ROBO2: variants seen among roughly 807,000 people sequenced by gnomAD.
ROBO2 encodes roundabout homolog 2.
In ROBO2, 53 loss-of-function variants were observed where a neutral mutation model predicts 160.8. That is an observed-to-expected ratio of 0.33 (90% CI 0.26 to 0.41). The LOEUF (loss-of-function observed/expected upper bound fraction) is 0.41, where lower values mean the gene tolerates loss of function less well. Ranked by LOEUF, ROBO2 falls within the 10% of genes least tolerant of loss-of-function variation. The probability of loss-of-function intolerance (pLI) is 1.00; values close to 1 mark genes in which losing one functional copy is unlikely to be tolerated. For synonymous variants in ROBO2, 664 were observed against 611.7 expected, an observed-to-expected ratio of 1.09 and a Z score of -1.26; for missense variants, 1,577 against 1,722.4, an observed-to-expected ratio of 0.92 and a Z score of 1.49.
rs374770003 is a variant in ROBO2, at chr3:76,848,246, A to G, written c.110-249768A>G. Among the ~76,000 whole-genome samples, 28 of 152,310 alleles carry G rather than the reference A, an allele frequency of 1.8e-4. No homozygotes were observed. The East Asian group carries it at 5.2e-3, about 28-fold the overall frequency. ...AATCTTATATTGAATTAAATTACTTATGAGTTCTGGGATGTCTCATAGCCT... is the reference window on the plus strand; with the variant it reads ...AATCTTATATTGAATTAAATTACTTGTGAGTTCTGGGATGTCTCATAGCCT... On this transcript the variant is annotated intron_variant, in intron 2 of 26. Coordinates refer to the ROBO2 transcript ENST00000487694.
At chr3:76,657,806 GT>G (rs2091634589) in intron 2 of ROBO2, among the ~76,000 whole-genome samples, 2 of 147,102 alleles carry the variant, frequency 1.4e-5, no homozygotes, top group South Asian at 4.2e-4. Context: ...ATATATGTGT[GT>G]ATATATATAG....
chr3:76,053,031 G>A (rs2067705898), intron 2 of ROBO2, among the ~76,000 whole-genome samples: 1 of 151,866 alleles, frequency 6.6e-6, no homozygotes, highest in South Asian at 2.1e-4. Context: ...TATATTCATA[G>A]GCAGTTATAA....
intron 2 of ROBO2, among the ~76,000 whole-genome samples, chr3:76,933,746 T>C (rs1455892859): frequency 2.6e-5 from 4 of 152,164 alleles, no homozygotes; most frequent in Non-Finnish European, 5.9e-5. Flanking sequence ...TATATTCACA[T>C]GTAGAACAAA....
chr3:76,332,843 TAATAG>T (rs1157026032), intron 2 of ROBO2, among the ~76,000 whole-genome samples: 1 of 152,238 alleles, frequency 6.6e-6, no homozygotes, highest in Admixed American at 6.5e-5. Context: ...GTAAGTTATG[TAATAG>T]AATAAAGTTA....
At chr3:77,082,488 A>G (rs948277605) in intron 1 of ROBO2, among the ~76,000 whole-genome samples, 11 of 152,138 alleles carry the variant, frequency 7.2e-5, no homozygotes, top group African/African-American at 2.4e-4. Flanking sequence ...GGATAACTAA[A>G]GAAATTAGTT....
intron 2 of ROBO2, among the ~76,000 whole-genome samples, chr3:76,396,632 A>T (rs1034503201): frequency 1.3e-5 from 2 of 152,206 alleles, no homozygotes; most frequent in African/African-American, 2.4e-5. Context: ...AAGTCTCAGG[A>T]TAAAAAATCA....
intron 2 of ROBO2, among the ~76,000 whole-genome samples, chr3:77,323,789 CAT>C (rs1181346562): frequency 6.6e-6 from 1 of 152,096 alleles, no homozygotes; most frequent in African/African-American, 2.4e-5. Flanking sequence ...TTGAAAGGCT[CAT>C]GTGTAAGACA....
chr3:76,581,133 A>C (rs965887219), intron 2 of ROBO2, among the ~76,000 whole-genome samples: 3 of 152,232 alleles, frequency 2.0e-5, no homozygotes, highest in African/African-American at 7.2e-5. Context: ...TCAGAAATTT[A>C]CAATATAATA....
At chr3:77,187,429 A>G (rs903790989) in intron 2 of ROBO2, among the ~76,000 whole-genome samples, 16 of 151,978 alleles carry the variant, frequency 1.1e-4, no homozygotes, top group African/African-American at 3.6e-4. Flanking sequence ...AGTACACTTA[A>G]AATTAGCAAA....
chr3:76,413,249 T>G lies in ROBO2; in HGVS notation c.109+475647T>G, dbSNP rs139918390. Among the ~76,000 whole-genome samples the G allele has an allele frequency of 3.6e-3, 554 of 152,304 alleles. 7 individuals carry two copies. Among genetic ancestry groups the G allele is most frequent in the East Asian group, 0.025 (129 of 5,152 alleles). On this transcript the variant is annotated intron_variant, in intron 2 of 26. Transcript: ENST00000487694. Reference sequence around the variant, plus strand: ...GGGCCTGTGATGTGAGGGTCTTCTGTGAAGGTCTCTGACATGGCTTGGAGA... The same window carrying G: ...GGGCCTGTGATGTGAGGGTCTTCTGGGAAGGTCTCTGACATGGCTTGGAGA...
chr3:77,268,527 A>T (rs2059281420), intron 2 of ROBO2, among the ~76,000 whole-genome samples: 1 of 152,204 alleles, frequency 6.6e-6, no homozygotes, highest in African/African-American at 2.4e-5. Context: ...ACTAGAAAAA[A>T]GTCATTGCTG....
intron 2 of ROBO2, among the ~76,000 whole-genome samples, chr3:76,792,535 C>A (rs947166075): frequency 4.0e-4 from 60 of 151,654 alleles, no homozygotes; most frequent in African/African-American, 1.4e-3. Flanking sequence ...CTGGGGGTTC[C>A]TTTTAATTAT....
chr3:77,528,939 A>T (rs910929037), intron 6 of ROBO2, among the ~76,000 whole-genome samples: 1 of 151,692 alleles, frequency 6.6e-6, no homozygotes, highest in East Asian at 2.0e-4. Flanking sequence ...AATTTTATGT[A>T]TCTTTTGAAT....
rs190678856 is a variant in ROBO2, at chr3:77,504,386, A to T, written c.806+11004A>T. On this transcript the variant is annotated intron_variant, in intron 5 of 25. Coordinates refer to ENST00000461745, the Ensembl canonical transcript of ROBO2. The stretch of plus-strand genomic sequence containing the variant: ...GTCCTATTTCTGACACATGGTACTC[A>T]CCAGTTAAGACATTCAGTGCAGTGC... 9.9e-5 allele frequency among the ~76,000 whole-genome samples: 15 copies of T among 151,252 alleles called. No individual in the cohort carries two copies. In the East Asian group the frequency reaches 2.9e-3, roughly 29 times the overall value.
chr3:76,295,104 T>C lies in ROBO2; in HGVS notation c.109+357502T>C, dbSNP rs189795709. Among the ~76,000 whole-genome samples, 16 of 152,316 alleles carry C rather than the reference T, an allele frequency of 1.1e-4. No homozygotes were observed. In the East Asian group the frequency reaches 2.9e-3, roughly 28 times the overall value. ...CAGGTAAAGAGGCTTTTAGGAAGGA[T>C]ACTTGGGCAGCCCATTGAATCAAAA... On this transcript the variant is annotated intron_variant, in intron 2 of 26. Coordinates refer to the ROBO2 transcript ENST00000487694.
intron 1 of ROBO2, among the ~76,000 whole-genome samples, chr3:75,909,077 C>A (rs559235246): frequency 6.6e-6 from 1 of 152,098 alleles, no homozygotes; most frequent in Non-Finnish European, 1.5e-5. Context: ...GAGGTAGAAA[C>A]GGAATGCTCT....
At chr3:76,420,679 GC>G (rs1436938706) in intron 2 of ROBO2, among the ~76,000 whole-genome samples, 1 of 151,996 alleles carries the variant, frequency 6.6e-6, no homozygotes, top group Non-Finnish European at 1.5e-5. Context: ...ATAGTAATAA[GC>G]CATAAACACT....
rs754112722 is a variant in ROBO2, at chr3:76,109,322, A to C, written c.109+171720A>C. ...GGTAGGAACAAAATTAGAGGCCATA[A>C]TACCTTTTAAAAAAACTAAAGAATT... On this transcript the variant is annotated intron_variant, in intron 2 of 26. Transcript: ENST00000487694. Among the ~76,000 whole-genome samples, 9 of 152,102 alleles carry C rather than the reference A, an allele frequency of 5.9e-5. No individual in the cohort carries two copies. The East Asian group carries it at 1.5e-3, about 26-fold the overall frequency.
At chr3:75,986,475 T>A (rs867468754) in intron 2 of ROBO2, among the ~76,000 whole-genome samples, 1 of 151,558 alleles carries the variant, frequency 6.6e-6, no homozygotes, top group Non-Finnish European at 1.5e-5. Context: ...ATTTGCAAAT[T>A]TTTTTTTCAT....
Sources: gnomAD v4.1 joint callset for allele counts (sites outside exome capture counted in the v4.1 genomes callset) on GRCh38, gnomAD v4.1.1 for gene constraint, MANE v1.5 for transcripts, NCBI Gene and HGNC (gene_info 2026-07-23, HGNC 2026-07-21) for gene names.